GTF2IRD1: variants seen among roughly 807,000 people sequenced by gnomAD.
GTF2IRD1 encodes the protein general transcription factor II-I repeat domain-containing protein 1.
GTF2IRD1 carries 26 observed loss-of-function variants against 113.2 expected under a neutral mutation model. The observed-to-expected ratio is 0.23, with a 90% CI of 0.17 to 0.32. The LOEUF (loss-of-function observed/expected upper bound fraction) is 0.32. GTF2IRD1 is among the 10% of genes least tolerant of loss of function. The pLI, the probability that GTF2IRD1 is intolerant of heterozygous loss-of-function variation, is 1.00. For synonymous variants in GTF2IRD1, 484 were observed against 529.1 expected, an observed-to-expected ratio of 0.91 and a Z score of 1.17; for missense variants, 864 against 1,280.8, an observed-to-expected ratio of 0.67 and a Z score of 4.97.
intron 14 of GTF2IRD1, among the ~76,000 whole-genome samples, chr7:74,540,983 C>T (rs1349604216): frequency 3.3e-5 from 5 of 151,064 alleles, no homozygotes; most frequent in African/African-American, 4.9e-5. Flanking sequence ...AGGCAGGTCT[C>T]GAACTCCTGA....
At chr7:74,464,636 C>T (rs1222470873) in intron 1 of GTF2IRD1, among the ~76,000 whole-genome samples, 1 of 151,920 alleles carries the variant, frequency 6.6e-6, no homozygotes, top group African/African-American at 2.4e-5. Context: ...TTAGTAGAGA[C>T]GGGGTTTCGC....
intron 22 of GTF2IRD1, among the ~76,000 whole-genome samples, chr7:74,580,488 G>A (rs587692626): frequency 1.4e-4 from 22 of 152,272 alleles, no homozygotes; most frequent in South Asian, 1.2e-3. Context: ...AGAGAGAGCC[G>A]TGGAGCCAGC....
chr7:74,499,752 A>G (rs1795923888), intron 1 of GTF2IRD1, among the ~76,000 whole-genome samples: 1 of 152,234 alleles, frequency 6.6e-6, no homozygotes, highest in South Asian at 2.1e-4. Context: ...GAATGAATGC[A>G]TACACCAAGG....
At position 74,554,620 on chromosome 7, in the gene GTF2IRD1, C is replaced by A. The variant is rs144922141; in HGVS notation, c.1917-554C>A. On this transcript the variant is annotated intron_variant, in intron 17 of 26. Coordinates refer to ENST00000424337, the MANE Select transcript of GTF2IRD1 (RefSeq NM_005685.4). ...GTGGTGCTATCTCAGTTCACTGCAA[C>A]CTCTGCCTCCTGGGTTCAAGCCATT... Among the ~76,000 whole-genome samples the A allele has an allele frequency of 4.1e-3, 625 of 152,252 alleles. 2 individuals are homozygous for A. The highest frequency in any genetic ancestry group is 0.014 in the African/African-American group (576 of 41,558).
intron 4 of GTF2IRD1, among the ~76,000 whole-genome samples, chr7:74,516,864 G>A (rs1001871776): frequency 1.3e-5 from 2 of 152,150 alleles, no homozygotes; most frequent in Admixed American, 6.6e-5. Context: ...CAGGGTGGGG[G>A]CTGTAGCATG....
chr7:74,474,199 G>A (rs1305996855), intron 1 of GTF2IRD1, among the ~76,000 whole-genome samples: 2 of 152,148 alleles, frequency 1.3e-5, no homozygotes, highest in Non-Finnish European at 2.9e-5. Context: ...AGCCGAGGTC[G>A]TGCCACTGCA....
chr7:74,510,890 A>G (rs1554342761), intron 2 of GTF2IRD1, among the ~76,000 whole-genome samples: 1 of 151,982 alleles, frequency 6.6e-6, no homozygotes, highest in African/African-American at 2.4e-5. Flanking sequence ...CTCTACTGAA[A>G]ATACAAAAAT....
chr7:74,562,438 C>G (rs587753629), intron 22 of GTF2IRD1, among the ~76,000 whole-genome samples: 1 of 152,150 alleles, frequency 6.6e-6, no homozygotes, highest in African/African-American at 2.4e-5. Context: ...GAATCTGAGC[C>G]TTCACTTCCT....
chr7:74,576,901 G>A (rs1207948994), intron 22 of GTF2IRD1, among the ~76,000 whole-genome samples: 1 of 152,038 alleles, frequency 6.6e-6, no homozygotes, highest in East Asian at 1.9e-4. Flanking sequence ...GATTACAGGT[G>A]TGAGCCACTG....
At chr7:74,567,415 T>A (rs1258741625) in intron 22 of GTF2IRD1, among the ~76,000 whole-genome samples, 1 of 152,022 alleles carries the variant, frequency 6.6e-6, no homozygotes, top group African/African-American at 2.4e-5. Flanking sequence ...GGTGATTGGT[T>A]GCACCAGCCT....
chr7:74,457,086 A>T (rs1324874569), intron 1 of GTF2IRD1, among the ~76,000 whole-genome samples: 1 of 151,602 alleles, frequency 6.6e-6, no homozygotes, highest in African/African-American at 2.4e-5. Flanking sequence ...GAACTCCTGG[A>T]CTCAAGCCAC....
At chr7:74,462,852 C>T (rs1054828670) in intron 1 of GTF2IRD1, among the ~76,000 whole-genome samples, 19 of 152,352 alleles carry the variant, frequency 1.2e-4, no homozygotes, top group African/African-American at 4.3e-4. Flanking sequence ...TGCCGCTGCC[C>T]TCCGGGCCTC....
chr7:74,458,209 T>G (rs1002841231), intron 1 of GTF2IRD1, among the ~76,000 whole-genome samples: 36 of 151,992 alleles, frequency 2.4e-4, no homozygotes, highest in Non-Finnish European at 2.9e-5. Flanking sequence ...CGGGATAATA[T>G]GGGGCCGCTA....
At chr7:74,464,966 G>T (rs140720374) in intron 1 of GTF2IRD1, among the ~76,000 whole-genome samples, 3 of 152,300 alleles carry the variant, frequency 2.0e-5, no homozygotes, top group Non-Finnish European at 4.4e-5. Flanking sequence ...GCCCTTGGGT[G>T]CTCCTGGGTG....
In GTF2IRD1 at chr7:74,512,625, C is replaced by G. The variant is rs79946329; in HGVS notation, c.124-205C>G. Among the ~76,000 whole-genome samples, 127 of 122,808 alleles carry G rather than the reference C, an allele frequency of 1.0e-3. 4 individuals carry two copies. In the South Asian group the frequency reaches 0.027, roughly 26 times the overall value. The allele number at this position is 122,808 out of a possible 152,430, so 80.6% of individuals were successfully genotyped here. On this transcript the variant is annotated intron_variant, in intron 2 of 26. Coordinates refer to ENST00000424337, the MANE Select transcript of GTF2IRD1 (RefSeq NM_005685.4). The surrounding 1 kb of genome is among the most constrained non-coding windows in gnomAD (Gnocchi z 4.4). ...AGCAGAGGACACTTGTCCTCCTCCA[C>G]CCCCCATCGCCAATGCCTGCAGGGC...
intron 25 of GTF2IRD1, among the ~76,000 whole-genome samples, chr7:74,596,486 A>AAAGAAG (rs1354303630): frequency 4.6e-5 from 7 of 151,056 alleles, no homozygotes; most frequent in Non-Finnish European, 1.0e-4. Flanking sequence ...AGAAAAAGAA[A>AAAGAAG]AAAAAAATTA....
chr7:74,524,231 TCCCC>T, intron 8 of GTF2IRD1, 77 bp downstream of exon 8: 5 of 781,858 alleles, frequency 6.4e-6, no homozygotes, highest in Non-Finnish European at 1.0e-5. Context: ...TCACTCGTGT[TCCCC>T]AACACGGCAG....
chr7:74,589,716 A>C (rs1262890918), intron 22 of GTF2IRD1, 135 bp from the exon 23 acceptor site: 4 of 547,144 alleles, frequency 7.3e-6, no homozygotes, highest in African/African-American at 5.9e-5. Flanking sequence ...AAAAAAAAAA[A>C]CAGCTATATA....
At chr7:74,572,685 T>TGAG (rs1800765350) in intron 22 of GTF2IRD1, 2 of 235,628 alleles carry the variant, frequency 8.5e-6, no homozygotes, top group Non-Finnish European at 1.4e-5. Flanking sequence ...CCCCACCCCC[T>TGAG]CTCTACCCTT....
Sources: gnomAD v4.1 joint callset for allele counts (sites outside exome capture counted in the v4.1 genomes callset) on GRCh38, gnomAD v4.1.1 for gene constraint, Gnocchi (gnomAD v3.1) non-coding constraint, MANE v1.5 for transcripts, NCBI Gene and HGNC (gene_info 2026-07-23, HGNC 2026-07-21) for gene names.